The following SGCZ variants were observed in gnomAD, a reference collection of about 807,000 sequenced individuals.
SGCZ encodes zeta-sarcoglycan.
In SGCZ, 40 loss-of-function variants were observed where a neutral mutation model predicts 41.3. That is an observed-to-expected ratio of 0.97 (90% CI 0.75 to 1.26). The LOEUF is 1.26. SGCZ is among the 50% of genes most tolerant of loss of function. SGCZ has a pLI of 0.00. For missense variants in SGCZ, 552 were observed against 369.8 expected, an observed-to-expected ratio of 1.49 and a Z score of -4.04; for synonymous variants, 206 against 137.5, an observed-to-expected ratio of 1.50 and a Z score of -3.49.
At chr8:14,874,798 T>C (rs904347845) in intron 1 of SGCZ, among the ~76,000 whole-genome samples, 7 of 152,176 alleles carry the variant, frequency 4.6e-5, no homozygotes, top group African/African-American at 1.7e-4. Flanking sequence ...AATTATAACA[T>C]GGCTCCCAAG....
chr8:14,439,975 T>G (rs1434804780), intron 2 of SGCZ, among the ~76,000 whole-genome samples: 1 of 151,866 alleles, frequency 6.6e-6, no homozygotes, highest in African/African-American at 2.4e-5. Context: ...AGATTACATA[T>G]TAGGGACAAA....
chr8:15,172,858 G>A (rs1375449599), intron 1 of SGCZ, among the ~76,000 whole-genome samples: 1 of 152,070 alleles, frequency 6.6e-6, no homozygotes, highest in South Asian at 2.1e-4. Flanking sequence ...ATATATAAAT[G>A]GGTTGTTCTA....
chr8:14,347,178 G>A (rs1429298941), intron 2 of SGCZ, among the ~76,000 whole-genome samples: 1 of 151,984 alleles, frequency 6.6e-6, no homozygotes, highest in Admixed American at 6.6e-5. Flanking sequence ...ATTTTTCTTA[G>A]AAGTCTACGA....
chr8:14,183,897 C>G (rs1039196304), intron 4 of SGCZ, among the ~76,000 whole-genome samples: 5 of 152,030 alleles, frequency 3.3e-5, no homozygotes, highest in Non-Finnish European at 7.4e-5. Context: ...CTAAATTACT[C>G]ACAGATGAAA....
intron 4 of SGCZ, among the ~76,000 whole-genome samples, chr8:14,229,149 A>C (rs574267584): frequency 6.6e-6 from 1 of 152,294 alleles, no homozygotes; most frequent in South Asian, 2.1e-4. Flanking sequence ...CTGATTCTGC[A>C]CTTCTATCTG....
At chr8:15,189,361 T>G (rs1800454436) in intron 1 of SGCZ, among the ~76,000 whole-genome samples, 1 of 152,160 alleles carries the variant, frequency 6.6e-6, no homozygotes, top group Admixed American at 6.5e-5. Flanking sequence ...TCTAGAGGAA[T>G]CATGACCTCC....
intron 1 of SGCZ, among the ~76,000 whole-genome samples, chr8:14,796,626 G>A (rs1387082378): frequency 1.3e-5 from 2 of 152,060 alleles, no homozygotes; most frequent in Non-Finnish European, 2.9e-5. Flanking sequence ...AAACCACTCA[G>A]CCCTCCTGAC....
At chr8:14,417,566 C>A (rs925537598) in intron 2 of SGCZ, among the ~76,000 whole-genome samples, 1 of 151,612 alleles carries the variant, frequency 6.6e-6, no homozygotes, top group African/African-American at 2.4e-5. Context: ...CCCTTAATTT[C>A]GTTTCTTACA....
chr8:14,709,725 G>C (rs962700655), intron 1 of SGCZ, among the ~76,000 whole-genome samples: 7 of 151,900 alleles, frequency 4.6e-5, no homozygotes, highest in Non-Finnish European at 1.0e-4. Context: ...TCTTCGTGAA[G>C]TCGAAATGGC....
At chr8:14,407,314 G>A (rs1327343017) in intron 2 of SGCZ, among the ~76,000 whole-genome samples, 4 of 151,732 alleles carry the variant, frequency 2.6e-5, no homozygotes, top group Admixed American at 2.6e-4. Context: ...AGCGATCCAA[G>A]GTTTCTTAAC....
rs184103158 is a variant in SGCZ at position 14,428,764 on chromosome 8, G to A, written c.235-104560C>T. On this transcript the variant is annotated intron_variant, in intron 2 of 7. Coordinates refer to ENST00000382080, the MANE Select transcript of SGCZ (RefSeq NM_139167.4). ...AGTTCATACATAGAGGAAGCTTGTTGAGGAGGTCAGAAGCCACACTTTCAC... is the reference window on the plus strand; with the variant it reads ...AGTTCATACATAGAGGAAGCTTGTTAAGGAGGTCAGAAGCCACACTTTCAC... Among the ~76,000 whole-genome samples the A allele has an allele frequency of 1.7e-4, 26 of 152,278 alleles. No individual in the cohort carries two copies. The East Asian group carries it at 3.1e-3, about 18-fold the overall frequency.
At position 14,452,270 on chromosome 8, in the gene SGCZ, A is replaced by G. The variant is rs1012029720; in HGVS notation, c.234+102462T>C. Among the ~76,000 whole-genome samples, 9 of 152,286 alleles carry G rather than the reference A, an allele frequency of 5.9e-5. No homozygotes were observed. In the East Asian group the frequency reaches 7.7e-4, roughly 13 times the overall value. On this transcript the variant is annotated intron_variant, in intron 2 of 7. Transcript: ENST00000382080. ...CATTCTGGGAAAAGCAAAACTATGG[A>G]AAAAGTAAGATTAGTCACTGTCGGG...
At chr8:14,272,309 A>G (rs994217755) in intron 3 of SGCZ, among the ~76,000 whole-genome samples, 52 of 152,130 alleles carry the variant, frequency 3.4e-4, no homozygotes, top group African/African-American at 1.0e-3. Context: ...CGACCCTTAA[A>G]TGAAATTTTG....
rs373638936 is a variant in SGCZ, at chr8:14,599,289, TA to T, written c.40-44364del. 2.1e-3 allele frequency among the ~76,000 whole-genome samples: 327 copies of T among 152,332 alleles called. 1 individual carries two copies. The highest frequency in any genetic ancestry group is 7.5e-3 in the African/African-American group (310 of 41,582). ...ATTTTTGATGCAATGTCTATCATTA[TA>T]ATCAGTACCTTGTATACATTTTAAA... On this transcript the variant is annotated intron_variant, in intron 1 of 7. Transcript: ENST00000382080.
intron 2 of SGCZ, among the ~76,000 whole-genome samples, chr8:14,402,429 G>A (rs1163720179): frequency 2.6e-5 from 4 of 151,722 alleles, no homozygotes; most frequent in South Asian, 4.1e-4. Flanking sequence ...TAGGTCGAAC[G>A]TTTAAGTCTT....
At chr8:14,115,003 A>C (rs1403802842) in intron 5 of SGCZ, among the ~76,000 whole-genome samples, 1 of 152,022 alleles carries the variant, frequency 6.6e-6, no homozygotes, top group Non-Finnish European at 1.5e-5. Flanking sequence ...CGACATTTTT[A>C]AAAATTGTAC....
intron 1 of SGCZ, among the ~76,000 whole-genome samples, chr8:14,730,975 G>A (rs1056483823): frequency 2.0e-5 from 3 of 151,630 alleles, no homozygotes; most frequent in Non-Finnish European, 4.4e-5. Context: ...AAGACAGTGT[G>A]GCTATTCCTC....
chr8:14,337,655 T>C (rs1802550727), intron 2 of SGCZ, among the ~76,000 whole-genome samples: 1 of 152,050 alleles, frequency 6.6e-6, no homozygotes, highest in Non-Finnish European at 1.5e-5. Context: ...ACATACTGGG[T>C]AGGGTCGGAA....
chr8:14,775,592 T>C (rs1300441745), intron 1 of SGCZ, among the ~76,000 whole-genome samples: 1 of 152,008 alleles, frequency 6.6e-6, no homozygotes, highest in Non-Finnish European at 1.5e-5. Flanking sequence ...AAAAATATTA[T>C]CAAACAACTT....
Sources: gnomAD v4.1 joint callset for allele counts (sites outside exome capture counted in the v4.1 genomes callset) on GRCh38, gnomAD v4.1.1 for gene constraint, MANE v1.5 for transcripts, NCBI Gene and HGNC (gene_info 2026-07-23, HGNC 2026-07-21) for gene names.